Variants in GPC6 observed in about 807,000 individuals in gnomAD.
GPC6 encodes the protein glypican-6.
A neutral mutation model predicts 55.2 loss-of-function variants in GPC6; 14 were observed. That is an observed-to-expected ratio of 0.25 (90% confidence interval 0.17 to 0.40). The LOEUF (loss-of-function observed/expected upper bound fraction) is 0.40. Among genes scored for constraint, GPC6 ranks in the 10% least tolerant of loss-of-function variants. The pLI, the probability that GPC6 is intolerant of heterozygous loss-of-function variation, is 1.00. For synonymous variants in GPC6, 278 were observed against 259.6 expected (o/e 1.07, Z -0.68); for missense variants, 641 against 708.5 (o/e 0.90, Z 1.08).
At chr13:93,535,104 T>G (rs186022826) in intron 1 of GPC6, among the ~76,000 whole-genome samples, 23 of 152,314 alleles carry the variant, frequency 1.5e-4, no homozygotes, top group Non-Finnish European at 2.6e-4. Flanking sequence ...TATCCTGATT[T>G]TATTATTAGT....
chr13:94,360,562 A>G (rs1879013241), intron 6 of GPC6, among the ~76,000 whole-genome samples: 1 of 151,968 alleles, frequency 6.6e-6, no homozygotes, highest in East Asian at 2.0e-4. Flanking sequence ...AAGGCTACTC[A>G]AACCATAGTG....
intron 6 of GPC6, among the ~76,000 whole-genome samples, chr13:94,359,663 T>C (rs566594027): frequency 1.5e-5 from 2 of 129,730 alleles, no homozygotes; most frequent in African/African-American, 7.8e-5. Context: ...TGCTGAGACC[T>C]TTTTTTTTTT....
At chr13:93,556,819 G>A (rs988202501) in intron 2 of GPC6, among the ~76,000 whole-genome samples, 4 of 151,970 alleles carry the variant, frequency 2.6e-5, no homozygotes, top group South Asian at 2.1e-4. Context: ...GTCTTTCTGC[G>A]CCTGGCTTAT....
At chr13:94,088,232 G>T (rs1184914930) in intron 4 of GPC6, among the ~76,000 whole-genome samples, 1 of 152,110 alleles carries the variant, frequency 6.6e-6, no homozygotes, top group East Asian at 1.9e-4. Context: ...CAATGACAAT[G>T]AAAGATAATT....
chr13:93,523,054 T>C (rs763471983), intron 1 of GPC6, among the ~76,000 whole-genome samples: 4 of 145,128 alleles, frequency 2.8e-5, no homozygotes, highest in Non-Finnish European at 4.4e-5. Flanking sequence ...CACACACACA[T>C]ATGTGTATAC....
intron 3 of GPC6, among the ~76,000 whole-genome samples, chr13:93,854,070 A>G (rs1279157154): frequency 6.6e-6 from 1 of 151,660 alleles, no homozygotes; most frequent in East Asian, 1.9e-4. Context: ...ATAAAGAGGA[A>G]ATCATTCATG....
chr13:93,534,945 T>C (rs1881999430), intron 1 of GPC6, among the ~76,000 whole-genome samples: 1 of 152,184 alleles, frequency 6.6e-6, no homozygotes, highest in Non-Finnish European at 1.5e-5. Context: ...TCAACCTGTG[T>C]AATCGTGGTT....
intron 1 of GPC6, among the ~76,000 whole-genome samples, chr13:93,465,775 G>C (rs1343683801): frequency 6.6e-6 from 1 of 152,176 alleles, no homozygotes; most frequent in Admixed American, 6.5e-5. Context: ...TGGCACAAGA[G>C]GCCTAGCCTT....
chr13:94,153,274 A>T (rs1282221147), intron 4 of GPC6, among the ~76,000 whole-genome samples: 4 of 152,020 alleles, frequency 2.6e-5, no homozygotes, highest in Non-Finnish European at 5.9e-5. Context: ...CACTTCATAA[A>T]TTTTTTTCAA....
intron 2 of GPC6, among the ~76,000 whole-genome samples, chr13:93,744,472 A>G (rs74508875): frequency 0.012 from 1,768 of 146,102 alleles, 39 homozygotes; most frequent in African/African-American, 0.043. Context: ...AGGACCTTCA[A>G]CTCACGATGT....
intron 2 of GPC6, among the ~76,000 whole-genome samples, chr13:93,797,297 A>C (rs1016685779): frequency 1.3e-5 from 2 of 152,194 alleles, no homozygotes; most frequent in African/African-American, 4.8e-5. Flanking sequence ...ATAATTTCTT[A>C]TGAATGATAG....
At chr13:94,284,167 T>C (rs1251389680) in intron 4 of GPC6, among the ~76,000 whole-genome samples, 1 of 152,124 alleles carries the variant, frequency 6.6e-6, no homozygotes, top group African/African-American at 2.4e-5. Context: ...CAGTGGGCCA[T>C]GCAGACCCTC....
chr13:94,067,836 T>C (rs760250690), intron 4 of GPC6, among the ~76,000 whole-genome samples: 1 of 152,144 alleles, frequency 6.6e-6, no homozygotes, highest in Admixed American at 6.5e-5. Flanking sequence ...ACTCATACAA[T>C]CCTCTGGTTT....
intron 3 of GPC6, among the ~76,000 whole-genome samples, chr13:93,896,749 C>T (rs1400429117): frequency 3.9e-5 from 6 of 152,004 alleles, no homozygotes; most frequent in East Asian, 1.9e-4. Flanking sequence ...CTCTTACTCT[C>T]GCATCAGGTT....
At chr13:93,559,564 A>G (rs760867084) in intron 2 of GPC6, among the ~76,000 whole-genome samples, 56 of 152,120 alleles carry the variant, frequency 3.7e-4, no homozygotes, top group Non-Finnish European at 6.9e-4. Context: ...TCTGCACTCA[A>G]TTTTTTCAGA....
At chr13:93,714,482 C>G (rs1883183653) in intron 2 of GPC6, among the ~76,000 whole-genome samples, 1 of 151,758 alleles carries the variant, frequency 6.6e-6, no homozygotes, top group South Asian at 2.1e-4. Context: ...TACACTGTTG[C>G]TGGGAATATA....
chr13:93,376,020 T>G (rs569642843), intron 1 of GPC6, among the ~76,000 whole-genome samples: 2 of 151,916 alleles, frequency 1.3e-5, no homozygotes, highest in South Asian at 4.2e-4. Flanking sequence ...TCCAGTTGGT[T>G]ATTTGTGCAA....
At chr13:94,138,537 C>G (rs905620741) in intron 4 of GPC6, among the ~76,000 whole-genome samples, 2 of 152,154 alleles carry the variant, frequency 1.3e-5, no homozygotes, top group Non-Finnish European at 2.9e-5. Flanking sequence ...GAGACACTTT[C>G]AAGTACCTTC....
intron 4 of GPC6, among the ~76,000 whole-genome samples, chr13:94,160,237 A>C (rs1196291375): frequency 6.6e-6 from 1 of 152,190 alleles, no homozygotes; most frequent in Non-Finnish European, 1.5e-5. Flanking sequence ...ATTAAACCTT[A>C]CCATAGCCAT....
Sources: gnomAD v4.1 joint callset for allele counts (sites outside exome capture counted in the v4.1 genomes callset) on GRCh38, gnomAD v4.1.1 for gene constraint, MANE v1.5 for transcripts, NCBI Gene and HGNC (gene_info 2026-07-23, HGNC 2026-07-21) for gene names.